Variants in PATJ observed in about 807,000 individuals in gnomAD.
The protein encoded by PATJ is inaD-like protein.
A neutral mutation model predicts 224.9 loss-of-function variants in PATJ; 190 were observed. That is an observed-to-expected ratio of 0.84 (90% CI 0.75 to 0.95). PATJ has a LOEUF of 0.95. Among genes scored for constraint, PATJ ranks in the 40% least tolerant of loss-of-function variants. The pLI, the probability that PATJ is intolerant of heterozygous loss-of-function variation, is 0.00. For missense variants in PATJ, 2,121 were observed against 2,270.3 expected (o/e 0.93, Z 1.34); for synonymous variants, 769 against 820.3 (o/e 0.94, Z 1.07).
At chr1:62,127,161 C>CA (rs1347087436) in intron 39 of PATJ, among the ~76,000 whole-genome samples, 1 of 152,064 alleles carries the variant, frequency 6.6e-6, no homozygotes, top group Non-Finnish European at 1.5e-5. Flanking sequence ...TTTTAGAGGA[C>CA]AAAATGAGAA....
intron 41 of PATJ, among the ~76,000 whole-genome samples, chr1:62,142,071 G>T (rs1667557697): frequency 6.6e-6 from 1 of 152,106 alleles, no homozygotes; most frequent in South Asian, 2.1e-4. Context: ...GAATAAATGA[G>T]CGAGTAAAGG....
chr1:61,869,159 T>G (rs1340982445), intron 20 of PATJ, among the ~76,000 whole-genome samples: 100 of 139,226 alleles, frequency 7.2e-4, no homozygotes, highest in African/African-American at 2.5e-3. Flanking sequence ...CAGGCTGGAG[T>G]GCAGTGGCGC....
intron 41 of PATJ, among the ~76,000 whole-genome samples, chr1:62,142,554 C>T (rs1667611429): frequency 6.6e-6 from 1 of 152,218 alleles, no homozygotes; most frequent in Admixed American, 6.5e-5. Flanking sequence ...GACACATTAG[C>T]ATTGTGCTGA....
chr1:62,005,953 G>A (rs2149637140), intron 28 of PATJ, among the ~76,000 whole-genome samples: 1 of 152,208 alleles, frequency 6.6e-6, no homozygotes, highest in South Asian at 2.1e-4. Context: ...TCACACCTCA[G>A]GCAAATCTAT....
intron 17 of PATJ, among the ~76,000 whole-genome samples, chr1:61,837,820 TGAGCA>T: frequency 6.9e-6 from 1 of 144,140 alleles, no homozygotes; most frequent in East Asian, 2.0e-4. Context: ...GAAAGATGAG[TGAGCA>T]GATAAAGGAG....
At chr1:62,012,246 T>C (rs6685239) in intron 28 of PATJ, among the ~76,000 whole-genome samples, 24,316 of 152,166 alleles carry the variant, frequency 0.16, 2,187 homozygotes, top group Non-Finnish European at 0.21. Context: ...TCAGATGATA[T>C]GACCTCTGGG....
Position 61,899,657 on chromosome 1 carries a change from A to G in PATJ, c.3203+3A>G. 2 of 1,598,642 alleles carry G rather than the reference A, an allele frequency of 1.3e-6. No homozygotes were observed. The highest frequency in any genetic ancestry group is 1.7e-6 in the Non-Finnish European group (2 of 1,170,920). On this transcript the variant is annotated splice_donor_region_variant and intron_variant, in intron 23 of 43. Coordinates refer to ENST00000642238, the MANE Select transcript of PATJ (RefSeq NM_001350145.3). ...AGCCACTGGGGTCCACCGAGAATGT[A>G]TGTGGATGACATTATTGTGGCTTTC...
At chr1:61,918,780 C>G (rs1490728947) in intron 26 of PATJ, among the ~76,000 whole-genome samples, 3 of 151,948 alleles carry the variant, frequency 2.0e-5, no homozygotes, top group Non-Finnish European at 4.4e-5. Context: ...CCTGGGCAAC[C>G]TGGGAAGACC....
At chr1:61,764,188 G>A (rs905764587) in intron 3 of PATJ, among the ~76,000 whole-genome samples, 1 of 152,088 alleles carries the variant, frequency 6.6e-6, no homozygotes, top group African/African-American at 2.4e-5. Context: ...AAGTGATCAT[G>A]CCCTTATAGC....
chr1:61,805,695 AT>A (rs1653400161), intron 13 of PATJ, among the ~76,000 whole-genome samples, 171 bp downstream of exon 13: 1 of 152,046 alleles, frequency 6.6e-6, no homozygotes, highest in Admixed American at 6.5e-5. Context: ...CATCTTTAGC[AT>A]TTTAAGCAGT....
intron 41 of PATJ, among the ~76,000 whole-genome samples, chr1:62,132,081 C>A (rs1666325910): frequency 6.6e-6 from 1 of 152,184 alleles, no homozygotes; most frequent in Non-Finnish European, 1.5e-5. Flanking sequence ...CTCCTGACCT[C>A]AAGTGATCTG....
intron 26 of PATJ, among the ~76,000 whole-genome samples, chr1:61,920,913 C>A (rs951272899): frequency 3.3e-5 from 5 of 151,842 alleles, no homozygotes; most frequent in African/African-American, 1.2e-4. Flanking sequence ...ACCATGTTGG[C>A]CAGGCTGGTC....
chr1:61,779,365 G>C (rs1285355492), intron 7 of PATJ, among the ~76,000 whole-genome samples: 1 of 152,186 alleles, frequency 6.6e-6, no homozygotes, highest in African/African-American at 2.4e-5. Flanking sequence ...AGGAAGCTCT[G>C]TTACATTCTT....
intron 26 of PATJ, among the ~76,000 whole-genome samples, chr1:61,924,049 T>C (rs981379086): frequency 2.0e-5 from 3 of 151,644 alleles, no homozygotes; most frequent in Admixed American, 6.6e-5. Flanking sequence ...TTGCATTACG[T>C]AGAGTGAAAG....
At chr1:61,765,065 C>CTTTTTTTTTT (rs1491546787) in intron 3 of PATJ, among the ~76,000 whole-genome samples, 1 of 17,012 alleles carries the variant, frequency 5.9e-5, no homozygotes, top group African/African-American at 1.2e-4. Flanking sequence ...TATTGACATT[C>CTTTTTTTTTT]ATTTTTTTTT....
intron 1 of PATJ, among the ~76,000 whole-genome samples, chr1:61,762,131 A>G (rs927798174): frequency 2.0e-5 from 3 of 152,136 alleles, no homozygotes; most frequent in Non-Finnish European, 4.4e-5. Context: ...ATATTCAACA[A>G]TGCCAAGGTG....
Position 62,121,463 on chromosome 1 carries a change from A to C in PATJ, c.5005+168A>C, listed in dbSNP as rs145623484. ...GGCATGTTCTGAAGGTAGGAAAGCC[A>C]TAGAGATTCCTTCAGTGGTGGCCAG... On this transcript the variant is annotated intron_variant, in intron 38 of 43. Coordinates refer to ENST00000642238, the MANE Select transcript of PATJ (RefSeq NM_001350145.3). Among the ~76,000 whole-genome samples, 992 of 152,240 alleles carry C rather than the reference A, an allele frequency of 6.5e-3. 3 individuals are homozygous for C. Among genetic ancestry groups the C allele is most frequent in the Non-Finnish European group, 0.01 (687 of 68,010 alleles).
At chr1:61,790,422 A>T (rs1270112309) in intron 8 of PATJ, among the ~76,000 whole-genome samples, 1 of 151,704 alleles carries the variant, frequency 6.6e-6, no homozygotes, top group Non-Finnish European at 1.5e-5. Flanking sequence ...TTGTTAGTTC[A>T]TAGTTAGTTC....
At chr1:62,027,289 T>C (rs943764227) in intron 29 of PATJ, among the ~76,000 whole-genome samples, 2 of 152,226 alleles carry the variant, frequency 1.3e-5, no homozygotes, top group African/African-American at 4.8e-5. Context: ...TGTCACAGCA[T>C]GTGCTAGAAT....
Sources: allele counts gnomAD v4.1 joint callset (sites outside exome capture counted in the v4.1 genomes callset), GRCh38; gene constraint gnomAD v4.1.1; transcripts MANE v1.5; gene names NCBI Gene and HGNC (gene_info 2026-07-23, HGNC 2026-07-21).